Variants in NOD2 observed in about 807,000 individuals in gnomAD.
NOD2 encodes the protein nucleotide-binding oligomerization domain-containing protein 2.
NOD2 carries 86 observed loss-of-function variants against 90.9 expected under a neutral mutation model. The ratio of observed to expected loss-of-function variants is 0.95; its 90% CI spans 0.79 to 1.13. NOD2 has a LOEUF of 1.13. Ranked by LOEUF, NOD2 falls within the 50% of genes most tolerant of loss-of-function variation. The probability of loss-of-function intolerance (pLI) is 0.00; values close to 1 mark genes in which losing one functional copy is unlikely to be tolerated. For synonymous variants in NOD2, 581 were observed against 554.6 expected (o/e 1.05, Z -0.67); for missense variants, 1,238 against 1,283.8 (o/e 0.96, Z 0.55).
At position 50,716,608 on chromosome 16, in the gene NOD2, A is replaced by C. The variant is rs772928775; in HGVS notation, c.2403A>C (p.Ser801=). 7 of 1,614,044 alleles carry C rather than the reference A, an allele frequency of 4.3e-6. No homozygotes were observed. Among genetic ancestry groups the C allele is most frequent in the Non-Finnish European group, 5.9e-6 (7 of 1,179,914 alleles). The stretch of plus-strand genomic sequence containing the variant: ...TTAGTTTGCGCGATAACAATATCTC[A>C]GACCGAGGCATCTGCAAGCTCATTG... ...KALYLRDNNI[S]DRGICKLIEC... The change falls in exon 5 of 12, where the codon TCA becomes TCC. Residue 801 remains serine (S), a synonymous_variant. Transcript: ENST00000647318.
chr16:50,710,537 G>A (rs762314189), intron 3 of NOD2, 21 bp from the exon 4 acceptor site: 1 of 1,614,036 alleles, frequency 6.2e-7, no homozygotes, highest in African/African-American at 1.3e-5. Flanking sequence ...ACCTTCATCT[G>A]CCTCTTCTTC....
chr16:50,711,174 G>C lies in NOD2; in HGVS notation c.1182G>C (p.Lys394Asn), dbSNP rs749142500. The C allele has an allele frequency of 1.2e-6, 2 of 1,614,156 alleles. No individual in the cohort carries two copies. The highest frequency in any genetic ancestry group is 1.7e-6 in the Non-Finnish European group (2 of 1,180,038). ...GCAACCTGCTGAAGAATGCCCGCAA[G>C]GTGGTGACCAGCCGTCCGGCCGCTG... ...LQGNLLKNAR[K>N]VVTSRPAAVS... The change falls in exon 4 of 12, where the codon AAG becomes AAC. Residue 394 changes from lysine (K) to asparagine (N), a missense_variant. Physicochemically the swap from Lys to Asn is moderately conservative, Grantham distance 94. This residue lies in a region of NOD2 where 567 missense variants were observed against 577.3 expected (regional missense o/e 0.98). Transcript: ENST00000647318.
chr16:50,725,895 A>G (rs1222365094), intron 10 of NOD2, among the ~76,000 whole-genome samples: 2 of 152,174 alleles, frequency 1.3e-5, no homozygotes, highest in African/African-American at 2.4e-5. Flanking sequence ...CAGAACACAC[A>G]TGGTCACCTA....
At chr16:50,697,378 G>A (rs764161048) in intron 1 of NOD2, 56 of 1,434,958 alleles carry the variant, frequency 3.9e-5, no homozygotes, top group Non-Finnish European at 4.8e-5. Context: ...ATCCTTGGCC[G>A]CGACATGCTC....
rs762502185 is a variant in NOD2 at position 50,729,887 on chromosome 16, C to A, written c.2955C>A (p.Thr985=). 1 of 1,612,712 alleles carries A rather than the reference C, an allele frequency of 6.2e-7. No homozygotes were observed. Among genetic ancestry groups the A allele is most frequent in the South Asian group, 1.1e-5 (1 of 91,016 alleles). ...TGCAGGCCCTTGAAAGGAATGACAC[C>A]ATCCTGGAAGTCTGGTAAGGCCCCT... ...ALLQALERND[T]ILEVWLRGNT... is the part of the protein sequence containing the mutation. The change falls in exon 11 of 12, where the codon ACC becomes ACA. Residue 985 remains threonine (T), a synonymous_variant. Coordinates refer to ENST00000647318, the MANE Select transcript of NOD2 (RefSeq NM_001370466.1).
At position 50,710,832 on chromosome 16, in the gene NOD2, G is replaced by A. The variant is rs376601025; in HGVS notation, c.840G>A (p.Thr280=). The A allele has an allele frequency of 5.3e-5, 86 of 1,613,932 alleles. No individual in the cohort carries two copies. The highest frequency in any genetic ancestry group is 1.3e-4 in the East Asian group (6 of 44,886). The change falls in exon 4 of 12, where the codon ACG becomes ACA. Residue 280 remains threonine (T), a synonymous_variant. Transcript: ENST00000647318. The part of the protein sequence containing the change: ...VVGEAGSGKS[T]LLQRLHLLWA... The stretch of plus-strand genomic sequence containing the variant: ...GTGAGGCGGGCAGTGGCAAGAGCAC[G>A]CTCCTGCAGCGGCTGCACTTGCTGT...
intron 4 of NOD2, 44 bp downstream of exon 4, chr16:50,712,417 A>T: frequency 6.2e-7 from 1 of 1,609,316 alleles, no homozygotes. Flanking sequence ...GGGGAGCACC[A>T]TCAAGGCTAA....
At position 50,699,655 on chromosome 16, in the gene NOD2, C is replaced by G. The variant is rs34936594; in HGVS notation, c.160C>G (p.Leu54Val). Residue 54 changes from leucine (L) to valine (V), a missense_variant, in exon 2 of 12, where the codon CTC becomes GTC. Coordinates refer to ENST00000647318, the MANE Select transcript of NOD2 (RefSeq NM_001370466.1). Reference sequence around the variant, plus strand: ...GGGCTTCCACCTCCTGGGCCAGCCTCTCTCCCACTTGGCCAGGCGCCTTCT... The same window carrying G: ...GGGCTTCCACCTCCTGGGCCAGCCTGTCTCCCACTTGGCCAGGCGCCTTCT... ...YEGFHLLGQP[L>V]SHLARRLLDT... 6.7e-5 allele frequency: 108 copies of G among 1,614,180 alleles called. 1 individual carries two copies. The African/African-American group carries it at 1.3e-3, about 20-fold the overall frequency.
intron 10 of NOD2, among the ~76,000 whole-genome samples, chr16:50,727,013 ACCTGTAATC>A (rs1462180921): frequency 2.6e-5 from 4 of 151,730 alleles, no homozygotes. Flanking sequence ...GGTGGCATAC[ACCTGTAATC>A]CCATCTACTC....
rs2150801178 is a variant in NOD2 at position 50,707,896 on chromosome 16, A to AT, written c.503dup (p.Leu168PhefsTer47). 2 of 1,614,112 alleles carry AT rather than the reference A, an allele frequency of 1.2e-6. No homozygotes were observed. The highest frequency in any genetic ancestry group is 4.5e-5 in the East Asian group (2 of 44,884). On this transcript the variant is annotated frameshift_variant, in exon 3 of 12. Transcript: ENST00000647318. LOFTEE classifies it high-confidence loss of function. Reference sequence around the variant, plus strand: ...ATCTTGCCACGGTGAAAGCGAATGGATTGGCTGCCTTCCTTCTACAACATG... The same window carrying AT: ...ATCTTGCCACGGTGAAAGCGAATGGATTTGGCTGCCTTCCTTCTACAACATG...
intron 7 of NOD2, 74 bp downstream of exon 7, chr16:50,720,082 C>T: frequency 7.1e-7 from 1 of 1,402,096 alleles, no homozygotes; most frequent in Non-Finnish European, 1.0e-6. Flanking sequence ...GCAGGTGAAA[C>T]TCTTCAGCCA....
Position 50,707,873 on chromosome 16 carries a change from C to T in NOD2, c.478C>T (p.Leu160Phe), listed in dbSNP as rs1023677987. 2 of 1,614,006 alleles carry T rather than the reference C, an allele frequency of 1.2e-6. No homozygotes were observed. The highest frequency in any genetic ancestry group is 1.7e-6 in the Non-Finnish European group (2 of 1,179,844). The change falls in exon 3 of 12, where the codon CTT (leucine) becomes TTT (phenylalanine). Residue 160 changes from leucine (L) to phenylalanine (F), a missense_variant. Leu to Phe is a conservative substitution (Grantham distance 22). Coordinates refer to ENST00000647318, the MANE Select transcript of NOD2 (RefSeq NM_001370466.1). ...PSQRARRLLD[L>F]ATVKANGLAA... ...CCTGTAGGCAAGAAGGCTGCTTGAT[C>T]TTGCCACGGTGAAAGCGAATGGATT...
chr16:50,701,457 A>G (rs1963935388), intron 2 of NOD2, among the ~76,000 whole-genome samples: 1 of 152,258 alleles, frequency 6.6e-6, no homozygotes, highest in African/African-American at 2.4e-5. Context: ...TCAAGGCTGC[A>G]CTAAAGCTGG....
intron 3 of NOD2, chr16:50,709,994 T>C (rs1245749131): frequency 2.2e-6 from 1 of 456,048 alleles, no homozygotes; most frequent in Admixed American, 2.3e-5. Flanking sequence ...AAGTGTATGG[T>C]GGACCCAGGT....
At chr16:50,715,099 C>T (rs993925250) in intron 4 of NOD2, among the ~76,000 whole-genome samples, 1 of 152,182 alleles carries the variant, frequency 6.6e-6, no homozygotes, top group Non-Finnish European at 1.5e-5. Context: ...ATAAGAGGCC[C>T]TGAGGGAGAA....
intron 1 of NOD2, chr16:50,697,212 C>T (rs370447004): frequency 1.0e-5 from 16 of 1,543,728 alleles, no homozygotes; most frequent in African/African-American, 9.6e-5. Context: ...CCCGCAGATG[C>T]CATGCCTGCT....
At position 50,707,866 on chromosome 16, in the gene NOD2, G is replaced by T. The variant is rs768476112; in HGVS notation, c.471G>T (p.Leu157=). ...IFTPSQRARR[L]LDLATVKANG... is the part of the protein sequence containing the mutation. ...TGCCTTTCCTGTAGGCAAGAAGGCT[G>T]CTTGATCTTGCCACGGTGAAAGCGA... is the stretch of plus-strand genomic sequence containing the variant. Residue 157 remains leucine (L), a synonymous_variant, in exon 3 of 12, where the codon CTG becomes CTT. Transcript: ENST00000647318. The T allele has an allele frequency of 6.2e-7, 1 of 1,613,338 alleles. No individual in the cohort carries two copies. The highest frequency in any genetic ancestry group is 2.2e-5 in the East Asian group (1 of 44,886).
At position 50,710,944 on chromosome 16, in the gene NOD2, G is replaced by A. The variant is rs760224068; in HGVS notation, c.952G>A (p.Val318Met). The A allele has an allele frequency of 6.2e-7, 1 of 1,614,198 alleles. No individual in the cohort carries two copies. Among genetic ancestry groups the A allele is most frequent in the South Asian group, 1.1e-5 (1 of 91,088 alleles). The change falls in exon 4 of 12, where the codon GTG (valine) becomes ATG (methionine). Residue 318 changes from valine to methionine, a missense_variant. Val to Met is a conservative substitution (Grantham distance 21). Transcript: ENST00000647318. ...GCAGTGCATGGCCAAACCACTCTCTGTGCGGACTCTACTCTTTGAGCACTG... is the reference window on the plus strand; with the variant it reads ...GCAGTGCATGGCCAAACCACTCTCTATGCGGACTCTACTCTTTGAGCACTG... ...QLQCMAKPLS[V>M]RTLLFEHCCW...
Position 50,731,826 on chromosome 16 carries a change from C to T in NOD2, c.*7C>T, listed in dbSNP as rs910892076. The T allele has an allele frequency of 8.1e-6, 13 of 1,609,292 alleles. No individual in the cohort carries two copies. Among genetic ancestry groups the T allele is most frequent in the African/African-American group, 5.4e-5 (4 of 74,752 alleles). ...CACCAGACTCTTGCTTTGAAGTCTCCGGGAGGATGTTCGTCTCAGTTTGTT... is the reference window on the plus strand; with the variant it reads ...CACCAGACTCTTGCTTTGAAGTCTCTGGGAGGATGTTCGTCTCAGTTTGTT... On this transcript the variant is annotated 3_prime_UTR_variant, in exon 12 of 12. Coordinates refer to ENST00000647318, the MANE Select transcript of NOD2 (RefSeq NM_001370466.1).
Sources: gnomAD v4.1 joint callset for allele counts (sites outside exome capture counted in the v4.1 genomes callset) on GRCh38, gnomAD v4.1.1 for gene constraint, gnomAD v4.1.1 regional missense constraint, MANE v1.5 for transcripts, NCBI Gene and HGNC (gene_info 2026-07-23, HGNC 2026-07-21) for gene names.